CTNNA3: variants seen among roughly 807,000 people sequenced by gnomAD.
CTNNA3 encodes catenin alpha 3.
A neutral mutation model predicts 95.7 loss-of-function variants in CTNNA3; 76 were observed. The ratio of observed to expected loss-of-function variants is 0.79; its 90% CI spans 0.66 to 0.96. The LOEUF (loss-of-function observed/expected upper bound fraction) is 0.96. CTNNA3 is among the 40% of genes least tolerant of loss of function. The pLI is 0.00. For missense variants in CTNNA3, 1,191 were observed against 1,089.8 expected (o/e 1.09, Z -1.31); for synonymous variants, 431 against 374.4 (o/e 1.15, Z -1.74).
At chr10:66,074,080 A>G (rs2080497297) in intron 14 of CTNNA3, among the ~76,000 whole-genome samples, 1 of 152,020 alleles carries the variant, frequency 6.6e-6, no homozygotes, top group Admixed American at 6.6e-5. Context: ...TTAATCTTAT[A>G]AAGGTGTGGA....
At chr10:66,338,984 T>G (rs2092425499) in intron 12 of CTNNA3, among the ~76,000 whole-genome samples, 1 of 151,908 alleles carries the variant, frequency 6.6e-6, no homozygotes, top group Non-Finnish European at 1.5e-5. Flanking sequence ...AATCACTACA[T>G]TCACATAGTG....
chr10:66,598,915 C>G (rs558034779), intron 10 of CTNNA3, among the ~76,000 whole-genome samples: 1 of 151,806 alleles, frequency 6.6e-6, no homozygotes, highest in Non-Finnish European at 1.5e-5. Context: ...TATGGAACCA[C>G]AAAATACACC....
At chr10:67,587,218 TG>T (rs1842658128) in intron 3 of CTNNA3, among the ~76,000 whole-genome samples, 1 of 150,934 alleles carries the variant, frequency 6.6e-6, no homozygotes, top group African/African-American at 2.4e-5. Context: ...TGTGTGTGTG[TG>T]TGTGTGTGTG....
At chr10:66,046,927 A>C (rs1289924866) in intron 15 of CTNNA3, among the ~76,000 whole-genome samples, 1 of 152,166 alleles carries the variant, frequency 6.6e-6, no homozygotes, top group Non-Finnish European at 1.5e-5. Flanking sequence ...AGACTGACCC[A>C]GAAAGAAATT....
intron 13 of CTNNA3, among the ~76,000 whole-genome samples, chr10:66,185,920 T>TCA (rs776561418): frequency 1.3e-5 from 2 of 151,912 alleles, no homozygotes; most frequent in South Asian, 2.1e-4. Flanking sequence ...CTCTCTCTCA[T>TCA]CACACACTCT....
intron 7 of CTNNA3, among the ~76,000 whole-genome samples, chr10:66,783,575 G>A (rs547108804): frequency 1.8e-4 from 27 of 152,188 alleles, no homozygotes; most frequent in African/African-American, 4.8e-4. Flanking sequence ...ATATAAAAGC[G>A]TCTGTACGAA....
chr10:66,499,071 C>T (rs1472862559), intron 11 of CTNNA3, among the ~76,000 whole-genome samples: 2 of 152,156 alleles, frequency 1.3e-5, no homozygotes, highest in African/African-American at 2.4e-5. Context: ...CCACAGTTGT[C>T]GGTTCTTCTC....
intron 7 of CTNNA3, among the ~76,000 whole-genome samples, chr10:66,996,429 T>C (rs1263393587): frequency 6.6e-6 from 1 of 152,040 alleles, no homozygotes; most frequent in Non-Finnish European, 1.5e-5. Context: ...GCAGATTGCC[T>C]GGGCTCAGGA....
chr10:66,816,023 T>C (rs944137414), intron 7 of CTNNA3, among the ~76,000 whole-genome samples: 3 of 152,168 alleles, frequency 2.0e-5, no homozygotes, highest in African/African-American at 7.2e-5. Flanking sequence ...AAGTGATAAC[T>C]ACCAATTCGT....
chr10:67,528,852 C>A (rs1026061412), intron 4 of CTNNA3, among the ~76,000 whole-genome samples: 1 of 152,020 alleles, frequency 6.6e-6, no homozygotes, highest in African/African-American at 2.4e-5. Context: ...GATGCTGATT[C>A]CTTCTTAAAA....
At chr10:66,038,929 C>T (rs7915013) in intron 15 of CTNNA3, among the ~76,000 whole-genome samples, 10,047 of 152,086 alleles carry the variant, frequency 0.066, 436 homozygotes, top group East Asian at 0.17. Flanking sequence ...AAAGGGCATC[C>T]GAATAGAAAG....
At chr10:66,441,966 C>T (rs184104275) in intron 11 of CTNNA3, among the ~76,000 whole-genome samples, 23 of 152,254 alleles carry the variant, frequency 1.5e-4, no homozygotes, top group Admixed American at 1.3e-3. Flanking sequence ...CTTAATCCAT[C>T]CTTTCCATAA....
intron 17 of CTNNA3, 149 bp from the exon 18 acceptor site, chr10:65,920,766 C>T (rs1018743293): frequency 1.3e-6 from 1 of 748,486 alleles, no homozygotes; most frequent in Non-Finnish European, 2.1e-6. Flanking sequence ...GCAAAGGTTG[C>T]AGTGAGCCAA....
chr10:66,336,586 T>C (rs2092399130), intron 12 of CTNNA3, among the ~76,000 whole-genome samples: 1 of 152,164 alleles, frequency 6.6e-6, no homozygotes, highest in Non-Finnish European at 1.5e-5. Flanking sequence ...CAATAGTCTT[T>C]CTTCACACAA....
chr10:66,100,537 A>C (rs2133733201), intron 14 of CTNNA3, among the ~76,000 whole-genome samples: 1 of 152,328 alleles, frequency 6.6e-6, no homozygotes, highest in African/African-American at 2.4e-5. Flanking sequence ...GTTTTCACCC[A>C]GCGGCATTCC....
In CTNNA3 at chr10:66,656,640, C is replaced by A. The variant is rs576875071; in HGVS notation, c.1282-34856G>T. Among the ~76,000 whole-genome samples the A allele has an allele frequency of 2.3e-3, 344 of 152,106 alleles. 1 individual carries two copies. The highest frequency in any genetic ancestry group is 4.0e-3 in the Non-Finnish European group (272 of 67,928). On this transcript the variant is annotated intron_variant, in intron 9 of 17. Coordinates refer to ENST00000433211, the MANE Select transcript of CTNNA3 (RefSeq NM_013266.4). ...ATAAACATTTACTTTTTTATTTTCT[C>A]CCCAGAGTAAGCATGTTGGCAGATA...
chr10:66,148,668 C>A (rs2084023462), intron 13 of CTNNA3, among the ~76,000 whole-genome samples: 1 of 151,956 alleles, frequency 6.6e-6, no homozygotes, highest in Non-Finnish European at 1.5e-5. Context: ...GACACCAGAG[C>A]TGCTGGGTCT....
At chr10:67,648,871 T>G in intron 1 of CTNNA3, 4 of 1,069,556 alleles carry the variant, frequency 3.7e-6, no homozygotes, top group Non-Finnish European at 4.9e-6. Flanking sequence ...TGCCAAATGG[T>G]TTCTCTCAAA....
chr10:66,519,720 A>G (rs1387877442), intron 11 of CTNNA3, among the ~76,000 whole-genome samples: 1 of 152,038 alleles, frequency 6.6e-6, no homozygotes, highest in Non-Finnish European at 1.5e-5. Flanking sequence ...TTCATCTTAC[A>G]TATGTTGATT....
Sources: gnomAD v4.1 joint callset for allele counts (sites outside exome capture counted in the v4.1 genomes callset) on GRCh38, gnomAD v4.1.1 for gene constraint, MANE v1.5 for transcripts, NCBI Gene and HGNC (gene_info 2026-07-23, HGNC 2026-07-21) for gene names.